Variants in TMIGD1 observed in about 807,000 individuals in gnomAD.
TMIGD1 encodes transmembrane and immunoglobulin domain-containing protein 1.
A neutral mutation model predicts 27.5 loss-of-function variants in TMIGD1; 29 were observed. The ratio of observed to expected loss-of-function variants is 1.05; its 90% CI spans 0.78 to 1.44. The LOEUF is 1.44. Ranked by LOEUF, TMIGD1 falls within the 40% of genes most tolerant of loss-of-function variation. The pLI is 0.00. For missense variants in TMIGD1, 334 were observed against 310.6 expected (o/e 1.08, Z -0.57); for synonymous variants, 109 against 110.3 (o/e 0.99, Z 0.07).
At chr17:30,318,525 G>A (rs887435846) in intron 5 of TMIGD1, among the ~76,000 whole-genome samples, 6 of 152,100 alleles carry the variant, frequency 3.9e-5, no homozygotes, top group Non-Finnish European at 5.9e-5. Context: ...ACAATAAAGG[G>A]CAATTTAAAA....
At position 30,328,876 on chromosome 17, in the gene TMIGD1, A is replaced by G. The variant is rs903763409; in HGVS notation, c.361+375T>C. On this transcript the variant is annotated intron_variant, in intron 3 of 6. Coordinates refer to ENST00000328886, the MANE Select transcript of TMIGD1 (RefSeq NM_206832.3). ...CTACCCAGGAGGCTGAGGCAGGAGA[A>G]TCGCTTGAACCCGGGAGGTGGAGGT... Among the ~76,000 whole-genome samples the G allele has an allele frequency of 5.9e-5, 9 of 151,586 alleles. No homozygotes were observed. In the South Asian group the frequency reaches 8.3e-4, roughly 14 times the overall value.
intron 4 of TMIGD1, among the ~76,000 whole-genome samples, chr17:30,322,522 A>G (rs1049272476): frequency 2.6e-5 from 4 of 152,116 alleles, no homozygotes; most frequent in African/African-American, 9.7e-5. Context: ...TTTTTGAGAC[A>G]GAGTTTCACT....
At chr17:30,331,908 A>G in intron 2 of TMIGD1, 144 bp downstream of exon 2, 1 of 577,916 alleles carries the variant, frequency 1.7e-6, no homozygotes, top group Admixed American at 3.4e-5. Context: ...TTTTATTGTT[A>G]GTTGACTCCT....
rs369131896 is a variant in TMIGD1 at position 30,317,765 on chromosome 17, A to T, written c.745-532T>A. ...ACAGAGCAAGAATCCATCTCAAAAAAAAAAAAGAAAAAAATGCTTTGTGGC... is the reference window on the plus strand; with the variant it reads ...ACAGAGCAAGAATCCATCTCAAAAATAAAAAAGAAAAAAATGCTTTGTGGC... On this transcript the variant is annotated intron_variant, in intron 5 of 6. Transcript: ENST00000328886. Among the ~76,000 whole-genome samples the T allele has an allele frequency of 4.5e-4, 68 of 151,710 alleles. 1 individual carries two copies. Among genetic ancestry groups the T allele is most frequent in the African/African-American group, 1.5e-3 (61 of 41,388 alleles).
intron 1 of TMIGD1, among the ~76,000 whole-genome samples, chr17:30,333,402 C>T (rs138311507): frequency 0.014 from 2,065 of 152,014 alleles, 46 homozygotes; most frequent in African/African-American, 0.048. Context: ...GATTATGCCA[C>T]TGCACTCCAG....
intron 1 of TMIGD1, among the ~76,000 whole-genome samples, chr17:30,333,720 C>G (rs1386808021): frequency 6.6e-6 from 1 of 151,948 alleles, no homozygotes; most frequent in African/African-American, 2.4e-5. Context: ...TAAATATTTG[C>G]CAAAAAGATT....
chr17:30,331,209 C>G (rs1328525497), intron 2 of TMIGD1, among the ~76,000 whole-genome samples: 2 of 151,976 alleles, frequency 1.3e-5, no homozygotes, highest in Non-Finnish European at 2.9e-5. Context: ...AAGCAAAAAA[C>G]TTAAGCTACT....
intron 2 of TMIGD1, among the ~76,000 whole-genome samples, 174 bp downstream of exon 2, chr17:30,331,878 C>T (rs918666736): frequency 1.3e-5 from 2 of 152,112 alleles, no homozygotes; most frequent in South Asian, 2.1e-4. Flanking sequence ...GTGAGCCACC[C>T]GCCTGGCCTC....
chr17:30,328,057 A>T (rs542925595), intron 3 of TMIGD1, among the ~76,000 whole-genome samples: 149 of 139,230 alleles, frequency 1.1e-3, no homozygotes, highest in African/African-American at 3.4e-3. Context: ...TTTTTTTGAG[A>T]TGGGTCTCAC....
intron 3 of TMIGD1, among the ~76,000 whole-genome samples, chr17:30,326,188 T>A (rs1013248495): frequency 4.6e-5 from 7 of 152,216 alleles, no homozygotes; most frequent in Non-Finnish European, 1.5e-5. Context: ...GGAAGGAAGC[T>A]GCTGGAATAG....
At chr17:30,332,613 G>GT (rs1472779934) in intron 1 of TMIGD1, among the ~76,000 whole-genome samples, 2 of 152,106 alleles carry the variant, frequency 1.3e-5, no homozygotes, top group African/African-American at 4.8e-5. Flanking sequence ...GATTCAAATG[G>GT]TGTGTACGTA....
Position 30,332,082 on chromosome 17 carries a change from C to G in TMIGD1, c.52G>C (p.Val18Leu). The G allele has an allele frequency of 6.2e-7, 1 of 1,613,278 alleles. No homozygotes were observed. The highest frequency in any genetic ancestry group is 8.5e-7 in the Non-Finnish European group (1 of 1,179,564). ...ATCTCACGTGGCAGAAATAAAATTA[C>G]TAAGAGAAGAAATCTTCCCATTTGC... ...IMQMGRFLLL[V>L]ILFLPREMTS... The change falls in exon 2 of 7, where the codon GTA becomes CTA. Residue 18 changes from valine (V) to leucine (L), a missense_variant. Transcript: ENST00000328886.
intron 6 of TMIGD1, chr17:30,316,940 T>C: frequency 1.6e-6 from 1 of 625,178 alleles, no homozygotes; most frequent in Non-Finnish European, 2.8e-6. Context: ...GGCAATAAAA[T>C]GCAGTTGCAC....
intron 3 of TMIGD1, among the ~76,000 whole-genome samples, chr17:30,328,037 CTTT>C (rs112237075): frequency 3.0e-5 from 4 of 135,584 alleles, no homozygotes; most frequent in Admixed American, 7.4e-5. Context: ...TAATGAAAAT[CTTT>C]TTTTTTTTTT....
intron 4 of TMIGD1, among the ~76,000 whole-genome samples, chr17:30,323,021 T>G (rs1255721674): frequency 6.6e-6 from 1 of 152,096 alleles, no homozygotes; most frequent in African/African-American, 2.4e-5. Context: ...ACAATTTTTT[T>G]GATTAGCTGG....
Position 30,318,874 on chromosome 17 carries a change from G to A in TMIGD1, c.680C>T (p.Ala227Val), listed in dbSNP as rs191634643. 5.0e-6 allele frequency: 8 copies of A among 1,613,886 alleles called. No individual in the cohort carries two copies. The Admixed American group carries it at 1.3e-4, about 27-fold the overall frequency. The change falls in exon 5 of 7, where the codon GCA becomes GTA. Residue 227 changes from alanine (A) to valine (V), a missense_variant. By Grantham distance (64) the Ala-to-Val change is moderately conservative. Transcript: ENST00000328886. ...CAATGTCAGAAAGATCACAACACATGCAGCAATAATGGGCTCTATTGGTAC... is the reference window on the plus strand; with the variant it reads ...CAATGTCAGAAAGATCACAACACATACAGCAATAATGGGCTCTATTGGTAC... ...VGVPIEPIIA[A>V]CVVIFLTLCF...
In TMIGD1 at chr17:30,324,816, C is replaced by T. The variant is rs770934594; in HGVS notation, c.640G>A (p.Asp214Asn). The T allele has an allele frequency of 1.4e-5, 23 of 1,613,518 alleles. No homozygotes were observed. Among genetic ancestry groups the T allele is most frequent in the Middle Eastern group, 1.6e-4 (1 of 6,080 alleles). ...GGGTATTACTTAAAAAGAGCATTACCTTTAACAATCAGGTGAAAGTCCAAG... is the reference window on the plus strand; with the variant it reads ...GGGTATTACTTAAAAAGAGCATTACTTTTAACAATCAGGTGAAAGTCCAAG... ...ESLDFHLIVK[D>N]KTVGVPIEPI... The change falls in exon 4 of 7, where the codon GAT (aspartate) becomes AAT (asparagine). Residue 214 changes from aspartate to asparagine, a missense_variant and splice_region_variant. Coordinates refer to ENST00000328886, the MANE Select transcript of TMIGD1 (RefSeq NM_206832.3).
At chr17:30,317,370 C>T in intron 5 of TMIGD1, 137 bp from the exon 6 acceptor site, 2 of 816,664 alleles carry the variant, frequency 2.4e-6, no homozygotes, top group Non-Finnish European at 2.1e-6. Context: ...ATTTTTGGGG[C>T]CACACTAGTA....
intron 3 of TMIGD1, among the ~76,000 whole-genome samples, 161 bp downstream of exon 3, chr17:30,329,090 T>C (rs1295306163): frequency 6.6e-6 from 1 of 151,984 alleles, no homozygotes. Flanking sequence ...AGTTTGGCGA[T>C]ACTCAGTGCT....
Sources: gnomAD v4.1 joint callset for allele counts (sites outside exome capture counted in the v4.1 genomes callset) on GRCh38, gnomAD v4.1.1 for gene constraint, MANE v1.5 for transcripts, NCBI Gene and HGNC (gene_info 2026-07-23, HGNC 2026-07-21) for gene names.